CBFA2T3: variants seen among roughly 807,000 people sequenced by gnomAD.
CBFA2T3 encodes transcriptional corepressor CBFA2T3.
CBFA2T3 carries 31 observed loss-of-function variants against 58.6 expected under a neutral mutation model. That is an observed-to-expected ratio of 0.53 (90% CI 0.40 to 0.71). The LOEUF is 0.71. Among genes scored for constraint, CBFA2T3 ranks in the 30% least tolerant of loss-of-function variants. The pLI, the probability that CBFA2T3 is intolerant of heterozygous loss-of-function variation, is 0.00. For missense variants in CBFA2T3, 1,076 were observed against 963.1 expected (o/e 1.12, Z -1.55); for synonymous variants, 531 against 421.9 (o/e 1.26, Z -3.17).
Position 88,875,012 on chromosome 16 carries a change from C to G in CBFA2T3, c.*1964G>C, listed in dbSNP as rs966970951. 4.3e-6 allele frequency: 1 copy of G among 234,222 alleles called. No individual in the cohort carries two copies. The highest frequency in any genetic ancestry group is 8.5e-6 in the Non-Finnish European group (1 of 118,300). The allele number at this position is 234,222 out of a possible 1,614,324, so 14.5% of individuals were successfully genotyped here. ...CGTGGCTGGTTCAGTAGCTGGGTCA[C>G]TCCCGTATTGCACTGAGTTCCTAGA... On this transcript the variant is annotated 3_prime_UTR_variant, in exon 12 of 12. Coordinates refer to ENST00000268679, the MANE Select transcript of CBFA2T3 (RefSeq NM_005187.6).
At chr16:88,884,459 G>A (rs1351606215) in intron 7 of CBFA2T3, among the ~76,000 whole-genome samples, 1 of 152,190 alleles carries the variant, frequency 6.6e-6, no homozygotes, top group Non-Finnish European at 1.5e-5. Context: ...GTGCTCTCAG[G>A]CCTCAGTCTC....
At chr16:88,969,186 G>T (rs1972587050) in intron 1 of CBFA2T3, among the ~76,000 whole-genome samples, 2 of 152,224 alleles carry the variant, frequency 1.3e-5, no homozygotes, top group Admixed American at 1.3e-4. Flanking sequence ...GGCTGCAGCG[G>T]ACACGGCTGG....
intron 5 of CBFA2T3, among the ~76,000 whole-genome samples, chr16:88,891,025 C>T (rs1323772128): frequency 6.6e-6 from 1 of 152,180 alleles, no homozygotes; most frequent in Admixed American, 6.5e-5. Context: ...GGCCGAGAGC[C>T]TGCAAAGCTG....
chr16:88,976,402 T>C (rs140836512), intron 1 of CBFA2T3, among the ~76,000 whole-genome samples: 167 of 150,330 alleles, frequency 1.1e-3, no homozygotes, highest in Non-Finnish European at 2.0e-3. Context: ...CAGCCCGGCC[T>C]CCAGCATCTG....
At chr16:88,927,530 G>A (rs1971122089) in intron 1 of CBFA2T3, among the ~76,000 whole-genome samples, 1 of 152,224 alleles carries the variant, frequency 6.6e-6, no homozygotes, top group Non-Finnish European at 1.5e-5. Flanking sequence ...GTCAGAGCTG[G>A]GCATCCAGGG....
intron 1 of CBFA2T3, among the ~76,000 whole-genome samples, chr16:88,970,574 C>T (rs1165566675): frequency 6.6e-6 from 1 of 152,212 alleles, no homozygotes; most frequent in East Asian, 1.9e-4. Flanking sequence ...GGGTGAAAGC[C>T]GGGAAGGGAT....
chr16:88,963,919 G>A (rs948619161), intron 1 of CBFA2T3, among the ~76,000 whole-genome samples: 2 of 152,194 alleles, frequency 1.3e-5, no homozygotes, highest in African/African-American at 2.4e-5. Context: ...CTGTCTCTTC[G>A]TGGTGACTTA....
At chr16:88,881,165 G>T (rs764238679) in intron 9 of CBFA2T3, 126 bp downstream of exon 9, 14 of 875,834 alleles carry the variant, frequency 1.6e-5, no homozygotes, top group Middle Eastern at 2.1e-4. Context: ...AGTGAAAAAG[G>T]TGCCTCTTTC....
At chr16:88,904,089 C>T (rs1284414964) in intron 1 of CBFA2T3, among the ~76,000 whole-genome samples, 3 of 152,228 alleles carry the variant, frequency 2.0e-5, no homozygotes, top group African/African-American at 4.8e-5. Flanking sequence ...AACAAGGGCT[C>T]ATGGCCACCA....
At chr16:88,963,179 G>A (rs939417998) in intron 1 of CBFA2T3, among the ~76,000 whole-genome samples, 1 of 152,090 alleles carries the variant, frequency 6.6e-6, no homozygotes, top group African/African-American at 2.4e-5. Flanking sequence ...GAGAAGGTGG[G>A]GGCTTGGACA....
In CBFA2T3 at chr16:88,886,057, T is replaced by C. The variant is rs1380248126; in HGVS notation, c.797A>G (p.Glu266Gly). Residue 266 changes from glutamate to glycine, a missense_variant, in exon 6 of 12, where the codon GAG becomes GGG. Transcript: ENST00000268679. Reference sequence around the variant, plus strand: ...GGCGCTGGCGTCCAGCAGGAGCTGCTCATGCTGGGCCAAGTACTGGGCGGG... The same window carrying C: ...GGCGCTGGCGTCCAGCAGGAGCTGCCCATGCTGGGCCAAGTACTGGGCGGG... ...QTPAQYLAQH[E>G]QLLLDASASS... The C allele has an allele frequency of 5.7e-6, 9 of 1,588,392 alleles. No individual in the cohort carries two copies. Among genetic ancestry groups the C allele is most frequent in the Non-Finnish European group, 7.7e-6 (9 of 1,172,274 alleles).
intron 1 of CBFA2T3, among the ~76,000 whole-genome samples, chr16:88,925,040 G>T (rs1407972327): frequency 6.6e-6 from 1 of 152,242 alleles, no homozygotes; most frequent in Non-Finnish European, 1.5e-5. Flanking sequence ...AGGGGTCTCA[G>T]CTCTGCACCA....
At chr16:88,951,621 T>A (rs1046704516) in intron 1 of CBFA2T3, 2 of 361,392 alleles carry the variant, frequency 5.5e-6, no homozygotes, top group Non-Finnish European at 1.1e-5. Flanking sequence ...ACAGACCTGC[T>A]GCCACGGCCC....
chr16:88,877,281 T>C lies in CBFA2T3; in HGVS notation c.1663-6A>G. 6.5e-7 allele frequency: 1 copy of C among 1,542,734 alleles called. No homozygotes were observed. Among genetic ancestry groups the C allele is most frequent in the Non-Finnish European group, 8.7e-7 (1 of 1,143,738 alleles). On this transcript the variant is annotated splice_polypyrimidine_tract_variant and splice_region_variant and intron_variant, in intron 11 of 11. Coordinates refer to ENST00000268679, the MANE Select transcript of CBFA2T3 (RefSeq NM_005187.6). ...CGCCCGCAGTTCCAGCAGCTCTGGG[T>C]GGGGGCAGAGGGGCCAGTCAGGGCT...
intron 1 of CBFA2T3, among the ~76,000 whole-genome samples, chr16:88,972,057 C>T (rs919280764): frequency 8.5e-5 from 13 of 152,246 alleles, no homozygotes; most frequent in African/African-American, 2.2e-4. Context: ...CCCTAGGCAC[C>T]GCCCCTGTCT....
Position 88,877,207 on chromosome 16 carries a change from C to T in CBFA2T3, c.1731G>A (p.Gly577=). Reference sequence around the variant, plus strand: ...CCCAGTCCCGATGCTGGCAGAAGGACCCGCAGTAGCGTGCCGCGTTGCAGC... The same window carrying T: ...CCCAGTCCCGATGCTGGCAGAAGGATCCGCAGTAGCGTGCCGCGTTGCAGC... ...CSGCNAARYC[G]SFCQHRDWEK... The change falls in exon 12 of 12, where the codon GGG becomes GGA. Residue 577 remains glycine (G), a synonymous_variant. Coordinates refer to ENST00000268679, the MANE Select transcript of CBFA2T3 (RefSeq NM_005187.6). The T allele has an allele frequency of 1.9e-6, 3 of 1,556,068 alleles. No homozygotes were observed. Among genetic ancestry groups the T allele is most frequent in the South Asian group, 1.2e-5 (1 of 84,426 alleles).
Position 88,876,988 on chromosome 16 carries a change from G to C in CBFA2T3, c.1950C>G (p.Thr650=), listed in dbSNP as rs139749870. Residue 650 remains threonine, a synonymous_variant, in exon 12 of 12, where the codon ACC becomes ACG. Transcript: ENST00000268679. The stretch of plus-strand genomic sequence containing the variant: ...GGGGCCAGTGGGGTCAGCGGGGCAC[G>C]GTGTCCAGTGGGCCAGGTGGGCTGG... The part of the protein sequence containing the change: ...GSPSPPGPLD[T]VPR 2.0e-3 allele frequency: 2,963 copies of C among 1,451,520 alleles called. 62 individuals are homozygous for C. In the African/African-American group the frequency reaches 0.039, roughly 19 times the overall value. 89.9% of individuals were successfully genotyped at this position (1,451,520 alleles called of 1,614,324 possible). A position where few individuals can be genotyped will look rare whatever the true frequency, so the allele number is the denominator to read the frequency against.
At chr16:88,911,014 C>T (rs549939579) in intron 1 of CBFA2T3, among the ~76,000 whole-genome samples, 11 of 152,348 alleles carry the variant, frequency 7.2e-5, no homozygotes, top group Non-Finnish European at 1.0e-4. Context: ...TCCTGCCTGG[C>T]GAATAAGCAG....
intron 1 of CBFA2T3, among the ~76,000 whole-genome samples, chr16:88,960,640 C>T (rs1386223780): frequency 6.6e-6 from 1 of 152,250 alleles, no homozygotes; most frequent in African/African-American, 2.4e-5. Context: ...GCAGGGGCAG[C>T]CACTTTGCAG....
Sources: gnomAD v4.1 joint callset for allele counts (sites outside exome capture counted in the v4.1 genomes callset) on GRCh38, gnomAD v4.1.1 for gene constraint, MANE v1.5 for transcripts, NCBI Gene and HGNC (gene_info 2026-07-23, HGNC 2026-07-21) for gene names.